PPA2: variants seen among roughly 807,000 people sequenced by gnomAD.
PPA2 encodes the protein inorganic pyrophosphatase 2, mitochondrial.
A neutral mutation model predicts 49.5 loss-of-function variants in PPA2; 48 were observed. That is an observed-to-expected ratio of 0.97 (90% CI 0.77 to 1.23). The LOEUF (loss-of-function observed/expected upper bound fraction) is 1.23, where lower values mean the gene tolerates loss of function less well. Ranked by LOEUF, PPA2 falls within the 50% of genes most tolerant of loss-of-function variation. The pLI is 0.00. For missense variants in PPA2, 429 were observed against 410.1 expected, an observed-to-expected ratio of 1.05 and a Z score of -0.40; for synonymous variants, 131 against 139.9, an observed-to-expected ratio of 0.94 and a Z score of 0.45.
intron 8 of PPA2, among the ~76,000 whole-genome samples, chr4:105,396,965 A>G (rs1734175104): frequency 6.6e-6 from 1 of 152,232 alleles, no homozygotes; most frequent in Non-Finnish European, 1.5e-5. Context: ...TGAAAGCAGT[A>G]CATCTCCTTG....
chr4:105,382,860 G>C (rs559501494), intron 10 of PPA2, among the ~76,000 whole-genome samples: 20 of 152,132 alleles, frequency 1.3e-4, no homozygotes, highest in Admixed American at 1.1e-3. Context: ...ACTTCGCCAG[G>C]TGTGGTGGCA....
chr4:105,463,213 G>A (rs1016099373), intron 1 of PPA2, among the ~76,000 whole-genome samples: 3 of 152,146 alleles, frequency 2.0e-5, no homozygotes, highest in Admixed American at 2.0e-4. Flanking sequence ...AGGCTGATGT[G>A]GTCTCAGATG....
intron 1 of PPA2, among the ~76,000 whole-genome samples, chr4:105,463,144 G>A (rs771716690): frequency 2.0e-5 from 3 of 152,186 alleles, no homozygotes; most frequent in Non-Finnish European, 4.4e-5. Context: ...TGGAACTCCC[G>A]AGAGACTTGT....
chr4:105,427,716 C>T (rs370061171), intron 6 of PPA2, among the ~76,000 whole-genome samples: 5 of 152,150 alleles, frequency 3.3e-5, no homozygotes, highest in African/African-American at 9.7e-5. Context: ...ACCAAAACTA[C>T]GTTTGATTGG....
At chr4:105,447,933 A>G (rs1387085697) in intron 4 of PPA2, 2 of 213,656 alleles carry the variant, frequency 9.4e-6, no homozygotes, top group Admixed American at 6.0e-5. Flanking sequence ...TTTAGTAGAG[A>G]TGGGGTTTTG....
At position 105,391,547 on chromosome 4, in the gene PPA2, A is replaced by G. The variant is rs573701041; in HGVS notation, c.869+4702T>C. On this transcript the variant is annotated intron_variant, in intron 9 of 11. Coordinates refer to ENST00000341695, the MANE Select transcript of PPA2 (RefSeq NM_176869.3). The stretch of plus-strand genomic sequence containing the variant: ...AACTCAATACAAAGTATTAAAAAAA[A>G]ATCCACCTCCAGTTCTACATAGAGG... Among the ~76,000 whole-genome samples, 41 of 151,998 alleles carry G rather than the reference A, an allele frequency of 2.7e-4. No individual in the cohort carries two copies. In the East Asian group the frequency reaches 7.8e-3, roughly 29 times the overall value.
At chr4:105,427,718 T>A (rs1206978143) in intron 6 of PPA2, among the ~76,000 whole-genome samples, 1 of 152,008 alleles carries the variant, frequency 6.6e-6, no homozygotes, top group Non-Finnish European at 1.5e-5. Context: ...CAAAACTACG[T>A]TTGATTGGTG....
rs922325041 is a variant in PPA2, at chr4:105,369,598, T to C, written c.*127A>G. The C allele has an allele frequency of 4.1e-5, 32 of 787,064 alleles. No homozygotes were observed. The highest frequency in any genetic ancestry group is 1.8e-5 in the African/African-American group (1 of 56,670). The allele number at this position is 787,064 out of a possible 1,614,324, so 48.8% of individuals were successfully genotyped here. On this transcript the variant is annotated 3_prime_UTR_variant, in exon 12 of 12. Coordinates refer to ENST00000341695, the MANE Select transcript of PPA2 (RefSeq NM_176869.3). The stretch of plus-strand genomic sequence containing the variant: ...TCTTACTGTTTATTTATATATTGCA[T>C]AGCTCAAAAAGTTTGAAAAAATGAA...
intron 1 of PPA2, among the ~76,000 whole-genome samples, chr4:105,470,485 TAAAC>T (rs971152501): frequency 3.9e-5 from 6 of 152,064 alleles, no homozygotes; most frequent in African/African-American, 1.4e-4. Context: ...ACCCCATCTC[TAAAC>T]AAACAAACAA....
At chr4:105,436,887 A>G (rs1724087205) in intron 6 of PPA2, among the ~76,000 whole-genome samples, 1 of 152,162 alleles carries the variant, frequency 6.6e-6, no homozygotes, top group Non-Finnish European at 1.5e-5. Context: ...AAATCTAGGA[A>G]AAACTCTCTG....
At chr4:105,446,084 G>C in intron 5 of PPA2, 1 of 227,042 alleles carries the variant, frequency 4.4e-6, no homozygotes, top group African/African-American at 2.3e-5. Flanking sequence ...ATAAAGCCTC[G>C]CTTAAAAGTT....
intron 10 of PPA2, among the ~76,000 whole-genome samples, chr4:105,373,181 C>T (rs1004387872): frequency 6.6e-6 from 1 of 152,068 alleles, no homozygotes; most frequent in Non-Finnish European, 1.5e-5. Context: ...TTTCCAAGTA[C>T]TTCAAAAAGA....
chr4:105,446,347 G>C (rs779758354), intron 5 of PPA2, 36 bp downstream of exon 5: 1 of 1,522,540 alleles, frequency 6.6e-7, no homozygotes, highest in African/African-American at 1.4e-5. Context: ...TTTTTCAGAA[G>C]ACAGGAACAT....
intron 1 of PPA2, 162 bp downstream of exon 1, chr4:105,473,732 G>T: frequency 1.8e-6 from 2 of 1,084,582 alleles, no homozygotes; most frequent in South Asian, 1.3e-5. Flanking sequence ...GACTCGGTGC[G>T]CGCTCCCGCG....
chr4:105,385,597 C>A (rs1054151697), intron 10 of PPA2, among the ~76,000 whole-genome samples: 3 of 152,002 alleles, frequency 2.0e-5, no homozygotes, highest in Non-Finnish European at 4.4e-5. Flanking sequence ...AGATTTCTAG[C>A]CTAAGATCAC....
At chr4:105,392,427 C>A (rs1733962352) in intron 9 of PPA2, among the ~76,000 whole-genome samples, 3 of 151,840 alleles carry the variant, frequency 2.0e-5, no homozygotes, top group Admixed American at 2.0e-4. Flanking sequence ...AATCCCCGCA[C>A]TTTGGGAGGC....
At chr4:105,451,661 G>A (rs759965261) in intron 3 of PPA2, among the ~76,000 whole-genome samples, 122 of 152,172 alleles carry the variant, frequency 8.0e-4, no homozygotes, top group Non-Finnish European at 1.1e-3. Context: ...ATACTCAGAG[G>A]TGACCAAGAA....
intron 2 of PPA2, among the ~76,000 whole-genome samples, chr4:105,454,140 C>T (rs1012518737): frequency 3.3e-5 from 5 of 152,158 alleles, no homozygotes; most frequent in Admixed American, 3.3e-4. Context: ...TAAATTAAAA[C>T]TGACTTCGTG....
At chr4:105,473,647 C>T (rs769382475) in intron 1 of PPA2, 4 of 743,534 alleles carry the variant, frequency 5.4e-6, no homozygotes, top group African/African-American at 3.4e-5. Context: ...CTATCTACCC[C>T]CCAGCCGGCA....
Sources: allele counts gnomAD v4.1 joint callset (sites outside exome capture counted in the v4.1 genomes callset), GRCh38; gene constraint gnomAD v4.1.1; transcripts MANE v1.5; gene names NCBI Gene and HGNC (gene_info 2026-07-23, HGNC 2026-07-21).